Variants in BRWD1 observed in about 807,000 individuals in gnomAD.
The protein encoded by BRWD1 is bromodomain and WD repeat-containing protein 1.
In BRWD1, 82 loss-of-function variants were observed where a neutral mutation model predicts 251.2. The observed-to-expected ratio is 0.33, with a 90% CI of 0.27 to 0.39. The LOEUF is 0.39. Among genes scored for constraint, BRWD1 ranks in the 10% least tolerant of loss-of-function variants. The pLI is 1.00. For synonymous variants in BRWD1, 918 were observed against 902.8 expected (o/e 1.02, Z -0.30); for missense variants, 2,233 against 2,711.6 (o/e 0.82, Z 3.92).
At chr21:39,299,599 T>C (rs941146533) in intron 4 of BRWD1, among the ~76,000 whole-genome samples, 11 of 152,064 alleles carry the variant, frequency 7.2e-5, no homozygotes, top group Admixed American at 2.6e-4. Context: ...CTTTAAAAAA[T>C]GTATAAACCC....
chr21:39,218,766 A>C, intron 29 of BRWD1, 106 bp from the exon 30 acceptor site: 1 of 904,652 alleles, frequency 1.1e-6, no homozygotes, highest in Non-Finnish European at 1.5e-6. Flanking sequence ...GGTTATCTCC[A>C]CAGTCAAAAA....
intron 8 of BRWD1, among the ~76,000 whole-genome samples, chr21:39,292,025 C>G (rs575829243): frequency 6.6e-6 from 1 of 151,462 alleles, no homozygotes; most frequent in African/African-American, 2.4e-5. Flanking sequence ...CGGCTCACTG[C>G]AGCCTCAACC....
intron 8 of BRWD1, among the ~76,000 whole-genome samples, chr21:39,283,865 T>C (rs547533553): frequency 9.9e-5 from 15 of 152,188 alleles, no homozygotes; most frequent in Non-Finnish European, 1.8e-4. Context: ...TCTTGCTTTT[T>C]TTTTCTAAGA....
rs1439363985 is a variant in BRWD1 at position 39,218,720 on chromosome 21, G to A, written c.3383-60C>T. The A allele has an allele frequency of 7.3e-5, 98 of 1,343,522 alleles. No individual in the cohort carries two copies. The East Asian group carries it at 1.6e-3, about 22-fold the overall frequency. 83.2% of individuals were successfully genotyped at this position (1,343,522 alleles called of 1,614,324 possible). ...AAAAACACAAAAAATAAATATATAC[G>A]GTATTAAAATTCAATTTTCATAGCT... On this transcript the variant is annotated intron_variant, in intron 29 of 40. Coordinates refer to ENST00000342449, the MANE Select transcript of BRWD1 (RefSeq NM_033656.4).
chr21:39,313,130 T>G (rs2036568336), intron 2 of BRWD1, 29 bp from the exon 3 acceptor site: 1 of 1,489,504 alleles, frequency 6.7e-7, no homozygotes, highest in African/African-American at 1.5e-5. Context: ...CGGTCAGGGG[T>G]GGGGTCGGGC....
intron 4 of BRWD1, among the ~76,000 whole-genome samples, chr21:39,308,327 C>T (rs1443581565): frequency 6.6e-6 from 1 of 151,936 alleles, no homozygotes; most frequent in African/African-American, 2.4e-5. Context: ...ACTAAAAACA[C>T]AAAAAGTAGC....
intron 29 of BRWD1, among the ~76,000 whole-genome samples, chr21:39,220,304 G>A (rs1260780519): frequency 6.6e-6 from 1 of 152,154 alleles, no homozygotes; most frequent in Non-Finnish European, 1.5e-5. Context: ...TGCACAAAAA[G>A]GCCAGCACCC....
At chr21:39,278,369 A>AAAAAAG in intron 10 of BRWD1, 1 of 176,888 alleles carries the variant, frequency 5.7e-6, no homozygotes. Flanking sequence ...AAAAAGAATA[A>AAAAAAG]TTTCATCAAG....
In BRWD1 at chr21:39,247,789, C is replaced by T. The variant is rs375613516; in HGVS notation, c.2393G>A (p.Cys798Tyr). The T allele has an allele frequency of 1.5e-4, 244 of 1,613,286 alleles. No individual in the cohort carries two copies. Among genetic ancestry groups the T allele is most frequent in the Non-Finnish European group, 2.0e-4 (239 of 1,179,746 alleles). ...ACCATAATTTGGATATTTACGCCTA[C>T]ATGTCCTTTGTCTAGACTGTGATAC... ...VLVSQSRQRT[C>Y]RRKYPNYGRR... The change falls in exon 21 of 41, where the codon TGT becomes TAT. Residue 798 changes from cysteine to tyrosine, a missense_variant. Physicochemically the swap from Cys to Tyr is radical, Grantham distance 194. Around this residue, in one of 12 missense-constraint regions of BRWD1, gnomAD observed 214 missense variants for 222.0 expected, o/e 0.96. Transcript: ENST00000342449.
At chr21:39,306,482 G>T (rs531879299) in intron 4 of BRWD1, among the ~76,000 whole-genome samples, 32 of 152,300 alleles carry the variant, frequency 2.1e-4, no homozygotes, top group Non-Finnish European at 3.8e-4. Context: ...TATAACTACA[G>T]AACTGAGCCT....
chr21:39,190,126 G>C lies in BRWD1; in HGVS notation c.*6133C>G. The C allele has an allele frequency of 1.0e-6, 1 of 985,014 alleles. No homozygotes were observed. 61.0% of individuals were successfully genotyped at this position (985,014 alleles called of 1,614,324 possible). A position where few individuals can be genotyped will look rare whatever the true frequency, so the allele number is the denominator to read the frequency against. On this transcript the variant is annotated 3_prime_UTR_variant, in exon 41 of 41. Coordinates refer to ENST00000342449, the MANE Select transcript of BRWD1 (RefSeq NM_033656.4). Reference sequence around the variant, plus strand: ...ACTCACAGATATGTGTGTATTCTAAGATGGTATATGTGGTGAATAGAAACC... The same window carrying C: ...ACTCACAGATATGTGTGTATTCTAACATGGTATATGTGGTGAATAGAAACC...
At chr21:39,258,352 C>CAGA in intron 18 of BRWD1, 135 bp downstream of exon 18, 1 of 728,778 alleles carries the variant, frequency 1.4e-6, no homozygotes, top group East Asian at 2.8e-5. Flanking sequence ...AAGCTACCTT[C>CAGA]AGACTACTAA....
At chr21:39,217,079 ATATATTTTTTTT>A (rs2032973643) in intron 31 of BRWD1, 2 of 11,676 alleles carry the variant, frequency 1.7e-4, no homozygotes, top group African/African-American at 3.3e-4. Flanking sequence ...ATATATATAT[ATATATTTTTTTT>A]TTTTTTTTTT....
At chr21:39,319,737 T>C (rs1302663339) in intron 1 of BRWD1, among the ~76,000 whole-genome samples, 4 of 152,194 alleles carry the variant, frequency 2.6e-5, no homozygotes, top group African/African-American at 9.7e-5. Flanking sequence ...ATGACCCTGT[T>C]ATATAAGAAT....
In BRWD1 at chr21:39,215,228, A is replaced by G. The variant is rs768068866; in HGVS notation, c.3785+9T>C. The stretch of plus-strand genomic sequence containing the variant: ...GTCACTTTTACACAACATCTATGAA[A>G]TTACTTACTTGATAAATTTTAAAAG... On this transcript the variant is annotated intron_variant, in intron 32 of 40. Transcript: ENST00000342449. The G allele has an allele frequency of 1.2e-6, 2 of 1,609,458 alleles. No homozygotes were observed. Among genetic ancestry groups the G allele is most frequent in the Non-Finnish European group, 1.7e-6 (2 of 1,176,202 alleles).
Position 39,202,336 on chromosome 21 carries a change from G to T in BRWD1, c.4574C>A (p.Ser1525Tyr). ...RKRNRPITNG[S>Y]TLSESEVEDS... is the part of the protein sequence containing the mutation. ...ATTTCACTTCTCACCAGATAATGTAGAACCATTTGTTATAGGTCTATTTCT... is the reference window on the plus strand; with the variant it reads ...ATTTCACTTCTCACCAGATAATGTATAACCATTTGTTATAGGTCTATTTCT... Residue 1525 changes from serine to tyrosine, a missense_variant, in exon 38 of 41, where the codon TCT becomes TAT. Coordinates refer to ENST00000342449, the MANE Select transcript of BRWD1 (RefSeq NM_033656.4). The T allele has an allele frequency of 6.2e-7, 1 of 1,611,060 alleles. No individual in the cohort carries two copies. Among genetic ancestry groups the T allele is most frequent in the Non-Finnish European group, 8.5e-7 (1 of 1,177,918 alleles).
In BRWD1 at chr21:39,264,554, T is replaced by G. The variant is rs1353100034; in HGVS notation, c.1791A>C (p.Gly597=). 1 of 1,613,398 alleles carries G rather than the reference T, an allele frequency of 6.2e-7. No homozygotes were observed. Residue 597 remains glycine, a synonymous_variant, in exon 17 of 41, where the codon GGA becomes GGC. Coordinates refer to ENST00000342449, the MANE Select transcript of BRWD1 (RefSeq NM_033656.4). ...MPPPFLVDVD[G]NPHPTKYQRL... is the part of the protein sequence containing the mutation. Reference sequence around the variant, plus strand: ...TCTGATACTTGGTTGGATGAGGATTTCCATCTACATCTACCAAGAATGGTG... The same window carrying G: ...TCTGATACTTGGTTGGATGAGGATTGCCATCTACATCTACCAAGAATGGTG...
chr21:39,193,791 A>G lies in BRWD1; in HGVS notation c.*2468T>C, dbSNP rs189371586. ...TCCCTGGGCATTTTGCATAACGTAGAAAAAAAAGGCCAAACATGTTCTAGT... is the reference window on the plus strand; with the variant it reads ...TCCCTGGGCATTTTGCATAACGTAGGAAAAAAAGGCCAAACATGTTCTAGT... On this transcript the variant is annotated 3_prime_UTR_variant, in exon 41 of 41. Coordinates refer to ENST00000342449, the MANE Select transcript of BRWD1 (RefSeq NM_033656.4). 39 of 985,050 alleles carry G rather than the reference A, an allele frequency of 4.0e-5. No individual in the cohort carries two copies. The African/African-American group carries it at 4.9e-4, about 12-fold the overall frequency. 61.0% of individuals were successfully genotyped at this position (985,050 alleles called of 1,614,324 possible). A position where few individuals can be genotyped will look rare whatever the true frequency, so the allele number is the denominator to read the frequency against.
chr21:39,264,428 TAAAAA>T (rs33939736), intron 17 of BRWD1, 27 bp downstream of exon 17: 3,576 of 1,155,142 alleles, frequency 3.1e-3, no homozygotes, highest in Middle Eastern at 4.9e-3. Context: ...AGTACAACTT[TAAAAA>T]AAAAAAAAAA....
Sources: gnomAD v4.1 joint callset for allele counts (sites outside exome capture counted in the v4.1 genomes callset) on GRCh38, gnomAD v4.1.1 for gene constraint, gnomAD v4.1.1 regional missense constraint, MANE v1.5 for transcripts, NCBI Gene and HGNC (gene_info 2026-07-23, HGNC 2026-07-21) for gene names.